The following RAB12 variants were observed in gnomAD, a reference collection of about 807,000 sequenced individuals.
The protein encoded by RAB12 is RAB12, member RAS oncogene family.
RAB12 carries 11 observed loss-of-function variants against 28.4 expected under a neutral mutation model. That is an observed-to-expected ratio of 0.39 (90% CI 0.24 to 0.64). The LOEUF (loss-of-function observed/expected upper bound fraction) is 0.64. Ranked by LOEUF, RAB12 falls within the 30% of genes least tolerant of loss-of-function variation. The pLI is 0.50. For missense variants in RAB12, 276 were observed against 351.1 expected, an observed-to-expected ratio of 0.79 and a Z score of 1.71; for synonymous variants, 138 against 145.3, an observed-to-expected ratio of 0.95 and a Z score of 0.36.
intron 2 of RAB12, among the ~76,000 whole-genome samples, chr18:8,632,358 T>C (rs1598313511): frequency 1.3e-5 from 2 of 151,926 alleles, no homozygotes; most frequent in African/African-American, 4.8e-5. Context: ...GAAAAGCTAC[T>C]GTGGCTGACA....
chr18:8,624,606 T>G (rs1348223836), intron 1 of RAB12, among the ~76,000 whole-genome samples: 3 of 152,242 alleles, frequency 2.0e-5, no homozygotes, highest in Admixed American at 6.5e-5. Flanking sequence ...AAGCCACTTA[T>G]TTGTTGATGT....
At chr18:8,637,189 G>C (rs1375148067) in intron 5 of RAB12, among the ~76,000 whole-genome samples, 1 of 151,724 alleles carries the variant, frequency 6.6e-6, no homozygotes, top group Non-Finnish European at 1.5e-5. Context: ...AGGATTGCTT[G>C]AGCCCAGGAA....
At chr18:8,619,121 T>C (rs774551009) in intron 1 of RAB12, among the ~76,000 whole-genome samples, 4 of 152,320 alleles carry the variant, frequency 2.6e-5, no homozygotes, top group Non-Finnish European at 5.9e-5. Context: ...ACTGTTTGTA[T>C]TGAGACTTAC....
At chr18:8,631,170 A>G (rs942997833) in intron 2 of RAB12, among the ~76,000 whole-genome samples, 2 of 152,228 alleles carry the variant, frequency 1.3e-5, no homozygotes, top group Non-Finnish European at 2.9e-5. Context: ...GATTACAGGC[A>G]TGAGCCACTG....
chr18:8,619,350 C>A (rs1465293289), intron 1 of RAB12, among the ~76,000 whole-genome samples: 1 of 152,176 alleles, frequency 6.6e-6, no homozygotes, highest in Non-Finnish European at 1.5e-5. Flanking sequence ...GTGTTTTTGC[C>A]ATTTTCACTT....
rs147768352 is a variant in RAB12, at chr18:8,625,008, A to G, written c.575+10A>G. 2 of 1,569,848 alleles carry G rather than the reference A, an allele frequency of 1.3e-6. No individual in the cohort carries two copies. Among genetic ancestry groups the G allele is most frequent in the South Asian group, 1.1e-5 (1 of 89,812 alleles). ...TTAGATTACAGATCTGGTAAGTGGG[A>G]GAGTGTGCACCCAGTAATGTGCTGT... On this transcript the variant is annotated intron_variant, in intron 2 of 5. Coordinates refer to ENST00000649141, the MANE Select transcript of RAB12 (RefSeq NM_001025300.3).
intron 2 of RAB12, among the ~76,000 whole-genome samples, chr18:8,626,267 C>G (rs2096012600): frequency 6.6e-6 from 1 of 152,230 alleles, no homozygotes; most frequent in Non-Finnish European, 1.5e-5. Context: ...GCTGCTGTTT[C>G]TAATTATAAG....
chr18:8,621,455 GT>G (rs2096009833), intron 1 of RAB12, among the ~76,000 whole-genome samples: 1 of 152,170 alleles, frequency 6.6e-6, no homozygotes, highest in South Asian at 2.1e-4. Context: ...AGGATATTTT[GT>G]TTAAGAGCGA....
At chr18:8,612,621 T>G (rs561034811) in intron 1 of RAB12, among the ~76,000 whole-genome samples, 12 of 152,182 alleles carry the variant, frequency 7.9e-5, no homozygotes, top group Non-Finnish European at 1.6e-4. Flanking sequence ...GGTAGTATTG[T>G]CTAATTCCTA....
At chr18:8,621,961 G>T (rs1012300905) in intron 1 of RAB12, among the ~76,000 whole-genome samples, 9 of 152,150 alleles carry the variant, frequency 5.9e-5, no homozygotes, top group Admixed American at 5.9e-4. Context: ...GAATATTAAT[G>T]TCCTAGCCTT....
intron 1 of RAB12, among the ~76,000 whole-genome samples, chr18:8,618,766 C>A (rs1400565628): frequency 6.6e-6 from 1 of 152,182 alleles, no homozygotes; most frequent in African/African-American, 2.4e-5. Context: ...CCCGCCTTGG[C>A]CTCCCAAAGT....
chr18:8,625,563 G>A (rs1474997764), intron 2 of RAB12, among the ~76,000 whole-genome samples: 2 of 152,132 alleles, frequency 1.3e-5, no homozygotes, highest in African/African-American at 2.4e-5. Flanking sequence ...ATCACAATTG[G>A]AATGAGAGAC....
intron 2 of RAB12, 96 bp from the exon 3 acceptor site, chr18:8,633,093 A>G: frequency 6.7e-7 from 1 of 1,498,900 alleles, no homozygotes; most frequent in Middle Eastern, 1.7e-4. Context: ...CTTTTTTCGC[A>G]GAAAAACTGC....
At position 8,609,899 on chromosome 18, in the gene RAB12, C is replaced by G; in HGVS notation, c.460C>G (p.Leu154Val). 1 of 1,609,210 alleles carries G rather than the reference C, an allele frequency of 6.2e-7. No individual in the cohort carries two copies. The highest frequency in any genetic ancestry group is 8.5e-7 in the Non-Finnish European group (1 of 1,178,318). The change falls in exon 1 of 6, where the codon CTG becomes GTG. Residue 154 changes from leucine (L) to valine (V), a missense_variant. Leu to Val is a conservative substitution (Grantham distance 32, BLOSUM62 1). Around this residue, in one of 4 missense-constraint regions of RAB12, gnomAD observed 76 missense variants for 117.9 expected, o/e 0.64. Transcript: ENST00000649141. The stretch of plus-strand genomic sequence containing the variant: ...CTCCCGCGGCGTGGGCAAGACCAGC[C>G]TGATGGAGCGCTTCACCGACGACAC... ...IGSRGVGKTS[L>V]MERFTDDTFC...
chr18:8,625,931 C>T (rs531712987), intron 2 of RAB12, among the ~76,000 whole-genome samples: 15 of 152,310 alleles, frequency 9.8e-5, no homozygotes, highest in Admixed American at 3.9e-4. Context: ...ATTCTTCATC[C>T]GTGTCCCTGT....
intron 3 of RAB12, chr18:8,635,331 G>A: frequency 2.3e-6 from 1 of 430,466 alleles, no homozygotes; most frequent in Non-Finnish European, 4.1e-6. Context: ...CTTAATGCCT[G>A]TGCCCTAGTT....
At chr18:8,627,162 A>G (rs321652) in intron 2 of RAB12, among the ~76,000 whole-genome samples, 52,370 of 152,216 alleles carry the variant, frequency 0.34, 11,544 homozygotes, top group African/African-American at 0.63. Flanking sequence ...GGAGTGAGGC[A>G]CAGCCCTTGT....
intron 1 of RAB12, among the ~76,000 whole-genome samples, chr18:8,610,327 C>A (rs1049569499): frequency 1.3e-5 from 2 of 152,222 alleles, no homozygotes; most frequent in African/African-American, 4.8e-5. Flanking sequence ...CTCGCCCGGC[C>A]CGCCAAGGCC....
At position 8,625,361 on chromosome 18, in the gene RAB12, A is replaced by G. The variant is rs1392052112; in HGVS notation, c.575+363A>G. Among the ~76,000 whole-genome samples the G allele has an allele frequency of 2.0e-5, 3 of 152,198 alleles. No homozygotes were observed. The East Asian group carries it at 5.8e-4, about 29-fold the overall frequency. ...TATTTTGTATGATAGTATTCAAAGA[A>G]AGCCCAATATGTTCATAACCAGATT... On this transcript the variant is annotated intron_variant, in intron 2 of 5. Transcript: ENST00000649141.
Sources: gnomAD v4.1 joint callset for allele counts (sites outside exome capture counted in the v4.1 genomes callset) on GRCh38, gnomAD v4.1.1 for gene constraint, gnomAD v4.1.1 regional missense constraint, MANE v1.5 for transcripts, NCBI Gene and HGNC (gene_info 2026-07-23, HGNC 2026-07-21) for gene names.